The following ANKRD35 variants were observed in gnomAD, a reference collection of about 807,000 sequenced individuals.
The protein encoded by ANKRD35 is ankyrin repeat domain-containing protein 35.
Under a neutral mutation model 109.9 loss-of-function variants are expected in ANKRD35, and 102 were observed. The observed-to-expected ratio is 0.93, with a 90% CI of 0.79 to 1.09. The LOEUF (loss-of-function observed/expected upper bound fraction) is 1.09, where lower values mean the gene tolerates loss of function less well. Ranked by LOEUF, ANKRD35 falls within the 50% of genes least tolerant of loss-of-function variation. ANKRD35 has a pLI of 0.00. For missense variants in ANKRD35, 1,240 were observed against 1,230.1 expected (o/e 1.01, Z -0.12); for synonymous variants, 515 against 512.4 (o/e 1.01, Z -0.07).
intron 6 of ANKRD35, 97 bp from the exon 7 acceptor site, chr1:145,876,343 AT>A: frequency 1.6e-6 from 2 of 1,284,432 alleles, no homozygotes; most frequent in Non-Finnish European, 2.2e-6. Context: ...TCCAAAAAAA[AT>A]AAAAGCCCAG....
chr1:145,878,250 T>G, intron 3 of ANKRD35, 141 bp downstream of exon 3: 1 of 1,004,292 alleles, frequency 1.0e-6, no homozygotes, highest in Non-Finnish European at 1.5e-6. Flanking sequence ...GGGGAACTCC[T>G]GGAAGGATGC....
chr1:145,877,979 C>T lies in ANKRD35; in HGVS notation c.313G>A (p.Val105Ile). ...TISCQPQCVK[V>I]LLQHGANEDA... Reference sequence around the variant, plus strand: ...GGGACTGCTCTTACCTGAAGCAGAACCTTAACACACTGTGGCTGGCAGGAG... The same window carrying T: ...GGGACTGCTCTTACCTGAAGCAGAATCTTAACACACTGTGGCTGGCAGGAG... Residue 105 changes from valine (V) to isoleucine (I), a missense_variant, in exon 4 of 14, where the codon GTT becomes ATT. Val to Ile is a conservative substitution (Grantham distance 29). Coordinates refer to ENST00000355594, the MANE Select transcript of ANKRD35 (RefSeq NM_144698.5). 2 of 1,614,048 alleles carry T rather than the reference C, an allele frequency of 1.2e-6. No individual in the cohort carries two copies. The highest frequency in any genetic ancestry group is 1.7e-6 in the Non-Finnish European group (2 of 1,179,964).
intron 1 of ANKRD35, 91 bp from the exon 2 acceptor site, chr1:145,879,479 A>G: frequency 7.6e-7 from 1 of 1,322,608 alleles, no homozygotes; most frequent in African/African-American, 1.5e-5. Context: ...CAAATGAGAG[A>G]AAAGGAACAT....
At chr1:145,882,926 T>C (rs1654345083) in intron 1 of ANKRD35, among the ~76,000 whole-genome samples, 1 of 152,202 alleles carries the variant, frequency 6.6e-6, no homozygotes, top group Non-Finnish European at 1.5e-5. Flanking sequence ...CTTATATCTC[T>C]GGCTGTGTAC....
Position 145,873,772 on chromosome 1 carries a change from G to A in ANKRD35, c.997C>T (p.Leu333Phe), listed in dbSNP as rs1653948769. ...GCCTGCTCTCGAATCTGGTTCTCAAGGTCCAGATAGGCTGCAGCTTGAGTC... is the reference window on the plus strand; with the variant it reads ...GCCTGCTCTCGAATCTGGTTCTCAAAGTCCAGATAGGCTGCAGCTTGAGTC... ...CKTQAAAYLD[L>F]ENQIREQAQE... The change falls in exon 10 of 14, where the codon CTT becomes TTT. Residue 333 changes from leucine to phenylalanine, a missense_variant. Transcript: ENST00000355594. The A allele has an allele frequency of 1.2e-6, 2 of 1,611,354 alleles. No homozygotes were observed. The highest frequency in any genetic ancestry group is 3.4e-5 in the Admixed American group (2 of 59,346).
intron 3 of ANKRD35, 126 bp downstream of exon 3, chr1:145,878,265 C>T (rs1654155980): frequency 9.1e-7 from 1 of 1,104,924 alleles, no homozygotes; most frequent in Non-Finnish European, 1.3e-6. Context: ...GGATGCTGGC[C>T]AGAACTTACT....
chr1:145,873,540 C>G lies in ANKRD35; in HGVS notation c.1229G>C (p.Gly410Ala). The change falls in exon 10 of 14, where the codon GGA (glycine) becomes GCA (alanine). Residue 410 changes from glycine to alanine, a missense_variant. Coordinates refer to ENST00000355594, the MANE Select transcript of ANKRD35 (RefSeq NM_144698.5). Reference sequence around the variant, plus strand: ...TCCATGGACTTCATACTGGATCTTTCCTGGGGCTGAGTCCTCAGCCTTCTT... The same window carrying G: ...TCCATGGACTTCATACTGGATCTTTGCTGGGGCTGAGTCCTCAGCCTTCTT... Reference protein sequence around the residue: ...APKKAEDSAPGKIQYEVHGRS... With the variant: ...APKKAEDSAPAKIQYEVHGRS... 1 of 1,614,126 alleles carries G rather than the reference C, an allele frequency of 6.2e-7. No individual in the cohort carries two copies. Among genetic ancestry groups the G allele is most frequent in the Non-Finnish European group, 8.5e-7 (1 of 1,180,014 alleles).
At position 145,874,893 on chromosome 1, in the gene ANKRD35, T is replaced by C. The variant is rs587594942; in HGVS notation, c.674A>G (p.Tyr225Cys). The change falls in exon 8 of 14, where the codon TAT becomes TGT. Residue 225 changes from tyrosine to cysteine, a missense_variant. By Grantham distance (194) the Tyr-to-Cys change is radical. Coordinates refer to ENST00000355594, the MANE Select transcript of ANKRD35 (RefSeq NM_144698.5). Reference sequence around the variant, plus strand: ...TGCCTTGTCTTGTGTGTGCAGAGCATAGTGCAGAGCATCATGCCCTGTGCT... The same window carrying C: ...TGCCTTGTCTTGTGTGTGCAGAGCACAGTGCAGAGCATCATGCCCTGTGCT... ...VDSTGHDALHYALHTQDKALW... is the reference protein window; with the variant it reads ...VDSTGHDALHCALHTQDKALW... 2 of 1,613,714 alleles carry C rather than the reference T, an allele frequency of 1.2e-6. No individual in the cohort carries two copies. The highest frequency in any genetic ancestry group is 2.2e-5 in the East Asian group (1 of 44,838).
At chr1:145,875,423 G>T (rs12065963) in intron 7 of ANKRD35, among the ~76,000 whole-genome samples, 1 of 152,068 alleles carries the variant, frequency 6.6e-6, no homozygotes, top group East Asian at 1.9e-4. Flanking sequence ...GGGATTACAG[G>T]TATGAGCCAC....
intron 8 of ANKRD35, among the ~76,000 whole-genome samples, chr1:145,874,549 A>G (rs1228504493): frequency 2.0e-5 from 3 of 152,236 alleles, no homozygotes; most frequent in Non-Finnish European, 4.4e-5. Flanking sequence ...CCAACAAATC[A>G]CACAAATAGA....
chr1:145,876,483 A>G, intron 6 of ANKRD35, 86 bp downstream of exon 6: 2 of 1,490,046 alleles, frequency 1.3e-6, no homozygotes, highest in Non-Finnish European at 1.9e-6. Context: ...ACACAGCCCT[A>G]GGTCGTGGAA....
intron 1 of ANKRD35, among the ~76,000 whole-genome samples, chr1:145,881,820 T>C (rs891760697): frequency 6.6e-6 from 1 of 152,176 alleles, no homozygotes; most frequent in African/African-American, 2.4e-5. Context: ...ATTTTAGATG[T>C]TCCTGGGCTC....
chr1:145,884,495 T>A (rs1386857778), intron 1 of ANKRD35, among the ~76,000 whole-genome samples: 2 of 152,222 alleles, frequency 1.3e-5, no homozygotes, highest in Non-Finnish European at 2.9e-5. Context: ...TTGCTACAAG[T>A]AGCTGGCTAA....
chr1:145,872,900 GCTCAGT>G lies in ANKRD35; in HGVS notation c.1863_1868del (p.Arg621_Leu622del), dbSNP rs1553739148. 6 of 1,613,896 alleles carry G rather than the reference GCTCAGT, an allele frequency of 3.7e-6. No homozygotes were observed. The highest frequency in any genetic ancestry group is 1.6e-4 in the Middle Eastern group (1 of 6,084). On this transcript the variant is annotated inframe_deletion, in exon 10 of 14. Coordinates refer to ENST00000355594, the MANE Select transcript of ANKRD35 (RefSeq NM_144698.5). ...CTAACTCCTCCAGCAAGTTACTGTTGCTCAGTCTCAGTACTGACATCTCCTTCTCCA... is the reference window on the plus strand; with the variant it reads ...CTAACTCCTCCAGCAAGTTACTGTTGCTCAGTACTGACATCTCCTTCTCCA...
rs1553738785 is a variant in ANKRD35, at chr1:145,872,115, G to A, written c.2654C>T (p.Ala885Val). Residue 885 changes from alanine to valine, a missense_variant, in exon 10 of 14, where the codon GCC (alanine) becomes GTC (valine). By Grantham distance (64) the Ala-to-Val change is moderately conservative. Coordinates refer to ENST00000355594, the MANE Select transcript of ANKRD35 (RefSeq NM_144698.5). ...AEERRRSGDL[A>V]AQAAEQERQA... ...GCGCTCTTGTTCGGCTGCCTGAGCGGCCAGGTCCCCGCTCCGGCGGCGCTC... is the reference window on the plus strand; with the variant it reads ...GCGCTCTTGTTCGGCTGCCTGAGCGACCAGGTCCCCGCTCCGGCGGCGCTC... 2.5e-6 allele frequency: 4 copies of A among 1,611,584 alleles called. No homozygotes were observed. Among genetic ancestry groups the A allele is most frequent in the Non-Finnish European group, 3.4e-6 (4 of 1,179,080 alleles).
intron 1 of ANKRD35, among the ~76,000 whole-genome samples, chr1:145,882,107 A>G (rs1159898031): frequency 6.6e-6 from 1 of 150,654 alleles, no homozygotes; most frequent in South Asian, 2.1e-4. Context: ...GGCGCCCGCC[A>G]CCACACCCGG....
At chr1:145,876,389 G>C (rs1654076155) in intron 6 of ANKRD35, 143 bp from the exon 7 acceptor site, 1 of 1,115,646 alleles carries the variant, frequency 9.0e-7, no homozygotes, top group Admixed American at 2.1e-5. Flanking sequence ...TGGAGGGTTA[G>C]AAGCTCTCCA....
chr1:145,877,233 A>AT (rs55662836), intron 4 of ANKRD35, among the ~76,000 whole-genome samples: 26,256 of 140,340 alleles, frequency 0.19, 5,759 homozygotes, highest in African/African-American at 0.52. Context: ...AAGATAACTG[A>AT]TTTTTTTTTT....
rs782215247 is a variant in ANKRD35, at chr1:145,874,806, A to T, written c.745+16T>A. The T allele has an allele frequency of 1.9e-6, 3 of 1,557,592 alleles. No individual in the cohort carries two copies. The Admixed American group carries it at 6.1e-5, about 32-fold the overall frequency. ...CTGATTCTTAGAGAACGTGGAAGTT[A>T]CACAAGGGCCTTTACCGCCCCGCCG... is the stretch of plus-strand genomic sequence containing the variant. On this transcript the variant is annotated intron_variant, in intron 8 of 13. Coordinates refer to ENST00000355594, the MANE Select transcript of ANKRD35 (RefSeq NM_144698.5).
Sources: allele counts gnomAD v4.1 joint callset (sites outside exome capture counted in the v4.1 genomes callset), GRCh38; gene constraint gnomAD v4.1.1; transcripts MANE v1.5; gene names NCBI Gene and HGNC (gene_info 2026-07-23, HGNC 2026-07-21).